PTPRT: variants seen among roughly 807,000 people sequenced by gnomAD.
The protein encoded by PTPRT is protein tyrosine phosphatase receptor type T, also known as receptor-type tyrosine-protein phosphatase T.
PTPRT carries 56 observed loss-of-function variants against 176.8 expected under a neutral mutation model. That is an observed-to-expected ratio of 0.32 (90% CI 0.26 to 0.40). The LOEUF is 0.40. Among genes scored for constraint, PTPRT ranks in the 10% least tolerant of loss-of-function variants. PTPRT has a pLI of 1.00. For missense variants in PTPRT, 1,540 were observed against 1,908.2 expected (o/e 0.81, Z 3.60); for synonymous variants, 783 against 739.0 (o/e 1.06, Z -0.96).
In PTPRT at chr20:42,271,342, G is replaced by A. The variant is rs188912002; in HGVS notation, c.2176+11147C>T. On this transcript the variant is annotated intron_variant, in intron 13 of 30. Transcript: ENST00000373187. ...TCACCTGGCTGATAACTGTTCATCC[G>A]TCAGGTGTCAGTTTATAACCTGTTA... 3.2e-4 allele frequency among the ~76,000 whole-genome samples: 48 copies of A among 152,234 alleles called. 2 individuals are homozygous for A. The East Asian group carries it at 7.4e-3, about 23-fold the overall frequency.
chr20:42,355,726 C>T (rs1024846756), intron 9 of PTPRT, among the ~76,000 whole-genome samples: 10 of 152,140 alleles, frequency 6.6e-5, no homozygotes, highest in Admixed American at 2.6e-4. Context: ...GTGGAGAGGA[C>T]GTGTGCTTGC....
chr20:42,664,678 A>T (rs2075282615), intron 7 of PTPRT, among the ~76,000 whole-genome samples: 1 of 152,154 alleles, frequency 6.6e-6, no homozygotes, highest in South Asian at 2.1e-4. Flanking sequence ...TATGTTGCCC[A>T]GGCTGGTCTT....
intron 11 of PTPRT, among the ~76,000 whole-genome samples, chr20:42,343,050 T>G (rs1184609068): frequency 6.6e-6 from 1 of 152,146 alleles, no homozygotes; most frequent in African/African-American, 2.4e-5. Flanking sequence ...CCCCTGGTCC[T>G]CCAGGCTAGA....
intron 15 of PTPRT, among the ~76,000 whole-genome samples, chr20:42,215,627 C>T (rs1041769293): frequency 4.5e-5 from 4 of 89,234 alleles, no homozygotes; most frequent in African/African-American, 6.1e-5. Context: ...TCATACGACC[C>T]GAAACCAAAC....
intron 7 of PTPRT, among the ~76,000 whole-genome samples, chr20:42,484,496 C>T (rs2071436352): frequency 6.6e-6 from 1 of 152,154 alleles, no homozygotes; most frequent in African/African-American, 2.4e-5. Context: ...ACAAAACTTG[C>T]ATTTCATCAT....
chr20:42,231,442 C>A (rs908406481), intron 15 of PTPRT, among the ~76,000 whole-genome samples: 1 of 152,222 alleles, frequency 6.6e-6, no homozygotes, highest in Non-Finnish European at 1.5e-5. Flanking sequence ...ATATACTTTG[C>A]AGGGCTTGTT....
At chr20:42,063,108 C>A in the PTPRT span, among the ~76,000 whole-genome samples, 1 of 152,186 alleles carries the variant, frequency 6.6e-6, no homozygotes, top group Non-Finnish European at 1.5e-5. Flanking sequence ...AGATCTGTTA[C>A]TTTTCCGGTG....
At chr20:43,133,547 C>A (rs1256423638) in intron 1 of PTPRT, among the ~76,000 whole-genome samples, 1 of 152,028 alleles carries the variant, frequency 6.6e-6, no homozygotes, top group Non-Finnish European at 1.5e-5. Context: ...AGATTGAGAC[C>A]ATCCTGGCTA....
chr20:42,305,725 A>T (rs2057537755), intron 12 of PTPRT, among the ~76,000 whole-genome samples: 1 of 152,152 alleles, frequency 6.6e-6, no homozygotes, highest in Admixed American at 6.5e-5. Context: ...GGTCCTAGTG[A>T]GCTTGAAGGA....
At chr20:42,081,334 C>T (rs958139029) in intron 30 of PTPRT, among the ~76,000 whole-genome samples, 2 of 152,106 alleles carry the variant, frequency 1.3e-5, no homozygotes, top group African/African-American at 4.8e-5. Context: ...GTGACCCACA[C>T]GTTAATATGG....
rs141294178 is a variant in PTPRT at position 42,238,142 on chromosome 20, T to C, written c.2313-1884A>G. On this transcript the variant is annotated intron_variant, in intron 14 of 30. Coordinates refer to ENST00000373187, the MANE Select transcript of PTPRT (RefSeq NM_007050.6). Reference sequence around the variant, plus strand: ...ATTAAGAGAAAAGAGAATCAAAAAGTTTAGAAAATTTGCCCGAGGCTCTAT... The same window carrying C: ...ATTAAGAGAAAAGAGAATCAAAAAGCTTAGAAAATTTGCCCGAGGCTCTAT... Among the ~76,000 whole-genome samples, 486 of 152,102 alleles carry C rather than the reference T, an allele frequency of 3.2e-3. 2 individuals are homozygous for C. The highest frequency in any genetic ancestry group is 0.011 in the African/African-American group (465 of 41,492).
intron 7 of PTPRT, among the ~76,000 whole-genome samples, chr20:42,475,495 AG>A (rs2071273730): frequency 6.6e-6 from 1 of 152,228 alleles, no homozygotes; most frequent in Non-Finnish European, 1.5e-5. Flanking sequence ...GGTCTGCCAG[AG>A]TAGAAAACCT....
At chr20:42,337,204 C>A (rs900453923) in intron 11 of PTPRT, among the ~76,000 whole-genome samples, 2 of 152,176 alleles carry the variant, frequency 1.3e-5, no homozygotes, top group African/African-American at 2.4e-5. Flanking sequence ...CAAAGTCAAG[C>A]CTCACCTGGA....
intron 5 of PTPRT, among the ~76,000 whole-genome samples, chr20:42,762,855 G>T (rs577884913): frequency 6.6e-6 from 1 of 152,190 alleles, no homozygotes; most frequent in South Asian, 2.1e-4. Context: ...TGTTGCCTTT[G>T]AAATCTCTCT....
chr20:42,441,759 G>T (rs2059318062), intron 9 of PTPRT, among the ~76,000 whole-genome samples: 1 of 152,170 alleles, frequency 6.6e-6, no homozygotes, highest in African/African-American at 2.4e-5. Flanking sequence ...TGGCTGCTGG[G>T]GGCAACGGAT....
chr20:42,052,862 C>T, the PTPRT span, among the ~76,000 whole-genome samples: 3 of 152,168 alleles, frequency 2.0e-5, no homozygotes, highest in African/African-American at 7.2e-5. Context: ...AGATGAGGCC[C>T]GTGTCGGTGG....
chr20:42,710,971 C>T (rs2076136047), intron 6 of PTPRT, among the ~76,000 whole-genome samples: 1 of 152,246 alleles, frequency 6.6e-6, no homozygotes, highest in African/African-American at 2.4e-5. Flanking sequence ...GATTTAATGC[C>T]TGCCCTGCTG....
intron 1 of PTPRT, among the ~76,000 whole-genome samples, chr20:43,123,440 T>C (rs538919163): frequency 6.6e-6 from 1 of 152,150 alleles, no homozygotes; most frequent in East Asian, 1.9e-4. Context: ...TTCTGAGCCA[T>C]AAGATACAAG....
rs114753784 is a variant in PTPRT, at chr20:42,171,608, G to A, written c.2492-10066C>T. On this transcript the variant is annotated intron_variant, in intron 16 of 30. Coordinates refer to ENST00000373187, the MANE Select transcript of PTPRT (RefSeq NM_007050.6). ...GTACTGTAGAGGTGTGCATGTGTGC[G>A]TGTGTGTGTTTAAGGCATCAACTAC... 1.2e-3 allele frequency among the ~76,000 whole-genome samples: 188 copies of A among 152,184 alleles called. 1 individual carries two copies. Among genetic ancestry groups the A allele is most frequent in the African/African-American group, 2.3e-3 (96 of 41,536 alleles).
Sources: allele counts gnomAD v4.1 joint callset (sites outside exome capture counted in the v4.1 genomes callset), GRCh38; gene constraint gnomAD v4.1.1; transcripts MANE v1.5; gene names NCBI Gene and HGNC (gene_info 2026-07-23, HGNC 2026-07-21).